Variants in USP7 observed in about 807,000 individuals in gnomAD.
USP7 encodes ubiquitin specific peptidase 7.
A neutral mutation model predicts 162.9 loss-of-function variants in USP7; 9 were observed. The observed-to-expected ratio is 0.06, with a 90% CI of 0.03 to 0.10. The LOEUF (loss-of-function observed/expected upper bound fraction) is 0.10, where lower values mean the gene tolerates loss of function less well. Among genes scored for constraint, USP7 ranks in the 10% least tolerant of loss-of-function variants. The pLI, the probability that USP7 is intolerant of heterozygous loss-of-function variation, is 1.00. For missense variants in USP7, 715 were observed against 1,373.7 expected (o/e 0.52, Z 7.58); for synonymous variants, 562 against 475.9 (o/e 1.18, Z -2.35).
rs552188185 is a variant in USP7 at position 8,962,398 on chromosome 16, C to A, written c.79+809G>T. The A allele has an allele frequency of 1.9e-5, 6 of 316,930 alleles. No individual in the cohort carries two copies. In the East Asian group the frequency reaches 5.4e-4, roughly 28 times the overall value. 19.6% of individuals were successfully genotyped at this position (316,930 alleles called of 1,614,324 possible). A position where few individuals can be genotyped will look rare whatever the true frequency, so the allele number is the denominator to read the frequency against. Reference sequence around the variant, plus strand: ...CTCTTTACAGCGTCTTCACATCCAACCTTTACAACCAAGACTCTATACCTC... The same window carrying A: ...CTCTTTACAGCGTCTTCACATCCAAACTTTACAACCAAGACTCTATACCTC... On this transcript the variant is annotated intron_variant, in intron 1 of 30. Transcript: ENST00000344836.
At chr16:8,933,168 G>A (rs900958144) in intron 1 of USP7, among the ~76,000 whole-genome samples, 1 of 152,092 alleles carries the variant, frequency 6.6e-6, no homozygotes, top group African/African-American at 2.4e-5. Context: ...TCAAACTCCT[G>A]ACCTCAAGTG....
At chr16:8,960,595 A>T (rs1899970417) in intron 1 of USP7, among the ~76,000 whole-genome samples, 1 of 152,152 alleles carries the variant, frequency 6.6e-6, no homozygotes, top group Non-Finnish European at 1.5e-5. Context: ...AGCTGTTCAG[A>T]CCCTGACAGT....
At chr16:8,912,115 T>G (rs556596836) in intron 10 of USP7, among the ~76,000 whole-genome samples, 6 of 152,244 alleles carry the variant, frequency 3.9e-5, no homozygotes, top group Non-Finnish European at 8.8e-5. Flanking sequence ...CCCAGCAAGA[T>G]AAAAACCACC....
intron 6 of USP7, 33 bp from the exon 7 acceptor site, chr16:8,917,189 TGAG>T: frequency 1.3e-6 from 2 of 1,571,822 alleles, no homozygotes; most frequent in Non-Finnish European, 1.7e-6. Flanking sequence ...ATTTTTACTC[TGAG>T]AAGATGCAGG....
intron 1 of USP7, among the ~76,000 whole-genome samples, chr16:8,944,876 G>A (rs1899207664): frequency 6.6e-6 from 1 of 150,842 alleles, no homozygotes; most frequent in African/African-American, 2.5e-5. Context: ...AGGCTGAAGT[G>A]AGGGGCAGAT....
At chr16:8,946,834 G>C (rs904253270) in intron 1 of USP7, among the ~76,000 whole-genome samples, 1 of 152,110 alleles carries the variant, frequency 6.6e-6, no homozygotes, top group Non-Finnish European at 1.5e-5. Context: ...CCAATGTCTG[G>C]GCATATAAAC....
At chr16:8,937,117 G>A (rs1258502637) in intron 1 of USP7, among the ~76,000 whole-genome samples, 2 of 152,114 alleles carry the variant, frequency 1.3e-5, no homozygotes, top group African/African-American at 4.8e-5. Context: ...AAAATTTCAG[G>A]GCACCTTACC....
At chr16:8,959,519 A>C (rs1216152826) in intron 1 of USP7, among the ~76,000 whole-genome samples, 3 of 152,212 alleles carry the variant, frequency 2.0e-5, no homozygotes, top group Non-Finnish European at 4.4e-5. Context: ...CTCACATCAG[A>C]GTGAGATGCT....
At chr16:8,933,246 A>G (rs768952361) in intron 1 of USP7, among the ~76,000 whole-genome samples, 9 of 152,096 alleles carry the variant, frequency 5.9e-5, no homozygotes, top group Non-Finnish European at 8.8e-5. Context: ...CTCCCAATAG[A>G]ATGTTAAAAA....
At chr16:8,925,801 C>T (rs1205953137) in intron 2 of USP7, among the ~76,000 whole-genome samples, 1 of 152,196 alleles carries the variant, frequency 6.6e-6, no homozygotes, top group Non-Finnish European at 1.5e-5. Flanking sequence ...GATGACACTT[C>T]GGGTGTATTA....
chr16:8,951,981 C>T (rs573281513), intron 1 of USP7, among the ~76,000 whole-genome samples: 23 of 152,334 alleles, frequency 1.5e-4, no homozygotes, highest in African/African-American at 5.1e-4. Flanking sequence ...CACACCACAA[C>T]GTTCAGACTG....
At chr16:8,919,916 C>T (rs1042703963) in intron 5 of USP7, among the ~76,000 whole-genome samples, 3 of 152,174 alleles carry the variant, frequency 2.0e-5, no homozygotes, top group African/African-American at 7.2e-5. Flanking sequence ...ACCTAACGGC[C>T]TTGTCACCCC....
intron 1 of USP7, among the ~76,000 whole-genome samples, chr16:8,957,989 G>A (rs192302570): frequency 2.0e-3 from 303 of 152,220 alleles, no homozygotes; most frequent in African/African-American, 7.0e-3. Context: ...TGGCTTCAGC[G>A]TCTCTTTCTC....
chr16:8,896,328 G>T (rs1446913313), intron 26 of USP7, among the ~76,000 whole-genome samples: 2 of 152,082 alleles, frequency 1.3e-5, no homozygotes, highest in Non-Finnish European at 2.9e-5. Flanking sequence ...TTTCCCACAA[G>T]GAATTCACAT....
intron 12 of USP7, among the ~76,000 whole-genome samples, 154 bp from the exon 13 acceptor site, chr16:8,906,736 G>A (rs1567214395): frequency 6.6e-6 from 1 of 152,128 alleles, no homozygotes; most frequent in Non-Finnish European, 1.5e-5. Flanking sequence ...AACGTAATCC[G>A]TACTTGATAG....
intron 21 of USP7, chr16:8,900,069 C>G: frequency 2.3e-6 from 1 of 433,376 alleles, no homozygotes; most frequent in Non-Finnish European, 4.1e-6. Context: ...GTCTTGCCCA[C>G]AGACCTGACA....
At chr16:8,916,356 T>G (rs7195624) in intron 8 of USP7, 146 bp downstream of exon 8, 510,510 of 759,058 alleles carry the variant, frequency 0.67, 172,047 homozygotes, top group Middle Eastern at 0.69. Context: ...TAACTAGACA[T>G]CTGCTGCCTT....
chr16:8,915,190 T>G, intron 10 of USP7, 64 bp downstream of exon 10: 4 of 1,426,054 alleles, frequency 2.8e-6, no homozygotes, highest in Non-Finnish European at 3.8e-6. Flanking sequence ...CTTGTGTAAA[T>G]GAAACATTAA....
At chr16:8,904,313 T>G in intron 15 of USP7, 122 bp downstream of exon 15, 1 of 1,515,498 alleles carries the variant, frequency 6.6e-7, no homozygotes, top group Middle Eastern at 2.5e-4. Flanking sequence ...CGTACAGAGA[T>G]GGATGCCCTG....
Sources: allele counts gnomAD v4.1 joint callset (sites outside exome capture counted in the v4.1 genomes callset), GRCh38; gene constraint gnomAD v4.1.1; transcripts MANE v1.5; gene names NCBI Gene and HGNC (gene_info 2026-07-23, HGNC 2026-07-21).